The following RPSA2 variants were observed in gnomAD, a reference collection of about 807,000 sequenced individuals.
RPSA2 encodes ribosomal protein SA 2, also known as small ribosomal subunit protein uS2B.
chr19:23,865,132 A>C, the RPSA2 span, among the ~76,000 whole-genome samples: 1 of 152,242 alleles, frequency 6.6e-6, no homozygotes, highest in Non-Finnish European at 1.5e-5. Flanking sequence ...GAAATAGACA[A>C]GATGAATGGG....
chr19:23,827,349 G>C, the RPSA2 span: 1 of 1,586,566 alleles, frequency 6.3e-7, no homozygotes, highest in Non-Finnish European at 8.6e-7. Flanking sequence ...CTGGCAGCTC[G>C]TGCTATTGTT....
At chr19:23,833,403 C>T in the RPSA2 span, 7 of 170,418 alleles carry the variant, frequency 4.1e-5, no homozygotes, top group Admixed American at 3.0e-4. Context: ...GAAAGATGTG[C>T]CAATGCTTTT....
chr19:23,861,497 A>C, the RPSA2 span, among the ~76,000 whole-genome samples: 1 of 151,996 alleles, frequency 6.6e-6, no homozygotes, highest in African/African-American at 2.4e-5. Flanking sequence ...TCCACATACT[A>C]TCCTTTCCAA....
At chr19:23,804,864 T>C in the RPSA2 span, among the ~76,000 whole-genome samples, 3 of 152,176 alleles carry the variant, frequency 2.0e-5, no homozygotes, top group African/African-American at 4.8e-5. Flanking sequence ...CACAGTTTGC[T>C]TAATGTTCTG....
the RPSA2 span, among the ~76,000 whole-genome samples, chr19:23,817,318 G>A: frequency 1.3e-5 from 2 of 152,280 alleles, no homozygotes; most frequent in African/African-American, 2.4e-5. Flanking sequence ...GGAGGGAGAG[G>A]TTGCAGTGAG....
At chr19:23,767,393 T>C in the RPSA2 span, among the ~76,000 whole-genome samples, 1 of 152,168 alleles carries the variant, frequency 6.6e-6, no homozygotes, top group Non-Finnish European at 1.5e-5. Flanking sequence ...AACCTGATTT[T>C]TATTTTTAGT....
chr19:23,832,842 A>C, the RPSA2 span: 1 of 1,582,468 alleles, frequency 6.3e-7, no homozygotes, highest in Admixed American at 1.7e-5. Flanking sequence ...GCCAGTCCTC[A>C]ACCCTTACTA....
At chr19:23,813,291 G>A in the RPSA2 span, among the ~76,000 whole-genome samples, 1 of 149,306 alleles carries the variant, frequency 6.7e-6, no homozygotes, top group African/African-American at 2.5e-5. Flanking sequence ...ACATTGTTAT[G>A]CAAAAGACTT....
At chr19:23,802,729 A>C in the RPSA2 span, among the ~76,000 whole-genome samples, 1 of 152,162 alleles carries the variant, frequency 6.6e-6, no homozygotes, top group African/African-American at 2.4e-5. Context: ...AGTCATTAGA[A>C]AAATAGATGA....
chr19:23,799,007 G>GAAAAATATAGAAAAAATATAGAAAAAAAT, the RPSA2 span: 1 of 152,124 alleles, frequency 6.6e-6, no homozygotes, highest in South Asian at 2.1e-4. Flanking sequence ...GAGCAGCAGA[G>GAAAAATATAGAAAAAATATAGAAAAAAAT]ATAGAAAAAA....
At chr19:23,766,956 G>C in the RPSA2 span, among the ~76,000 whole-genome samples, 1 of 151,328 alleles carries the variant, frequency 6.6e-6, no homozygotes, top group Non-Finnish European at 1.5e-5. Flanking sequence ...TTGCTTGTTT[G>C]TTTTGTGTTT....
the RPSA2 span, among the ~76,000 whole-genome samples, chr19:23,810,209 C>G: frequency 2.0e-5 from 3 of 151,792 alleles, no homozygotes; most frequent in Non-Finnish European, 2.9e-5. Flanking sequence ...CTGGCTAACT[C>G]GGTGAAACCC....
the RPSA2 span, among the ~76,000 whole-genome samples, chr19:23,768,495 TCACA>T: frequency 6.7e-6 from 1 of 150,082 alleles, no homozygotes; most frequent in Non-Finnish European, 1.5e-5. Context: ...CTAGAAATGT[TCACA>T]TATGGTTGTT....
At chr19:23,845,701 C>T in the RPSA2 span, among the ~76,000 whole-genome samples, 1 of 152,240 alleles carries the variant, frequency 6.6e-6, no homozygotes, top group South Asian at 2.1e-4. Context: ...GCATGTTGCT[C>T]AGGCCGTCTC....
At chr19:23,796,444 A>C in the RPSA2 span, among the ~76,000 whole-genome samples, 1 of 150,588 alleles carries the variant, frequency 6.6e-6, no homozygotes, top group African/African-American at 2.4e-5. Context: ...AATCTCAGCC[A>C]GGTTTCAGTA....
chr19:23,861,294 C>A, the RPSA2 span, among the ~76,000 whole-genome samples: 20 of 152,298 alleles, frequency 1.3e-4, no homozygotes, highest in South Asian at 3.3e-3. Context: ...AGTTTCAAAT[C>A]TCTTCAAAAG....
chr19:23,863,124 G>C, the RPSA2 span, among the ~76,000 whole-genome samples: 180 of 152,256 alleles, frequency 1.2e-3, no homozygotes, highest in Non-Finnish European at 2.1e-3. Flanking sequence ...AACAGGTCTA[G>C]CGCAGGTAGA....
At chr19:23,779,900 C>T in the RPSA2 span, among the ~76,000 whole-genome samples, 1 of 152,108 alleles carries the variant, frequency 6.6e-6, no homozygotes, top group East Asian at 1.9e-4. Context: ...TGGTTGAGAA[C>T]CCAGATGATG....
the RPSA2 span, among the ~76,000 whole-genome samples, chr19:23,796,420 A>AT: frequency 0.9 from 133,041 of 147,250 alleles, 60,160 homozygotes; most frequent in East Asian, 0.99. Flanking sequence ...TATTGGCCTG[A>AT]TTTTTTTTTT....
Sources: allele counts gnomAD v4.1 joint callset (sites outside exome capture counted in the v4.1 genomes callset), GRCh38; gene constraint gnomAD v4.1.1; transcripts MANE v1.5; gene names NCBI Gene and HGNC (gene_info 2026-07-23, HGNC 2026-07-21).